DOCK7: variants seen among roughly 807,000 people sequenced by gnomAD.
DOCK7 encodes dedicator of cytokinesis 7.
In DOCK7, 138 loss-of-function variants were observed where a neutral mutation model predicts 271.0. The observed-to-expected ratio is 0.51, with a 90% CI of 0.44 to 0.59. The LOEUF is 0.59. Among genes scored for constraint, DOCK7 ranks in the 20% least tolerant of loss-of-function variants. DOCK7 has a pLI of 0.00. For missense variants in DOCK7, 2,066 were observed against 2,592.4 expected, an observed-to-expected ratio of 0.80 and a Z score of 4.41; for synonymous variants, 823 against 876.1, an observed-to-expected ratio of 0.94 and a Z score of 1.07.
intron 7 of DOCK7, among the ~76,000 whole-genome samples, chr1:62,637,537 C>G (rs1257411255): frequency 6.6e-6 from 1 of 152,148 alleles, no homozygotes; most frequent in Admixed American, 6.5e-5. Flanking sequence ...CTGTACAGGA[C>G]AGTCCCTGAC....
intron 31 of DOCK7, among the ~76,000 whole-genome samples, chr1:62,517,950 C>A (rs1571371168): frequency 6.6e-6 from 1 of 152,126 alleles, no homozygotes; most frequent in Non-Finnish European, 1.5e-5. Flanking sequence ...CCCAAACTTC[C>A]TTTGAGAAGA....
chr1:62,665,657 G>A (rs1659219050), intron 1 of DOCK7, among the ~76,000 whole-genome samples: 1 of 130,902 alleles, frequency 7.6e-6, no homozygotes, highest in South Asian at 2.6e-4. Context: ...CCGAGATCAC[G>A]TCAAGCCGAG....
At chr1:62,599,717 T>C (rs1433911673) in intron 14 of DOCK7, among the ~76,000 whole-genome samples, 1 of 152,028 alleles carries the variant, frequency 6.6e-6, no homozygotes, top group Non-Finnish European at 1.5e-5. Context: ...CACAGAAGCG[T>C]GTGCTATGAT....
chr1:62,548,936 T>C (rs1040662963), intron 22 of DOCK7, among the ~76,000 whole-genome samples: 13 of 152,236 alleles, frequency 8.5e-5, no homozygotes, highest in Non-Finnish European at 2.9e-5. Context: ...CAGTTAAGTT[T>C]AGAACTCCAG....
chr1:62,683,303 G>T (rs1255956548), intron 1 of DOCK7, among the ~76,000 whole-genome samples: 1 of 152,186 alleles, frequency 6.6e-6, no homozygotes, highest in Non-Finnish European at 1.5e-5. Context: ...CAGCACGGAA[G>T]TAGTTGGTAA....
chr1:62,562,770 C>T (rs946695944), intron 18 of DOCK7, among the ~76,000 whole-genome samples: 4 of 152,020 alleles, frequency 2.6e-5, no homozygotes, highest in African/African-American at 7.3e-5. Flanking sequence ...GGACTGAGTG[C>T]TAGAGAGGAT....
intron 15 of DOCK7, chr1:62,584,437 T>C: frequency 9.9e-7 from 1 of 1,006,394 alleles, no homozygotes. Context: ...ACAGTATGTC[T>C]ATGTTTATAT....
chr1:62,601,489 GC>G (rs1650112473), intron 14 of DOCK7, among the ~76,000 whole-genome samples: 1 of 151,626 alleles, frequency 6.6e-6, no homozygotes, highest in Non-Finnish European at 1.5e-5. Context: ...AGAGATACAT[GC>G]TGAAATATTT....
intron 14 of DOCK7, among the ~76,000 whole-genome samples, chr1:62,588,919 T>C (rs1205521439): frequency 6.6e-6 from 1 of 152,136 alleles, no homozygotes; most frequent in Non-Finnish European, 1.5e-5. Context: ...TTTTCTATTT[T>C]TTTGTAGAGA....
chr1:62,584,296 C>A (rs1379234539), intron 15 of DOCK7: 1 of 976,442 alleles, frequency 1.0e-6, no homozygotes, highest in Non-Finnish European at 1.2e-6. Flanking sequence ...TTTACAAATA[C>A]CTTAGTATGT....
rs763929792 is a variant in DOCK7, at chr1:62,543,645, T to C, written c.2949+11A>G. 21 of 1,588,436 alleles carry C rather than the reference T, an allele frequency of 1.3e-5. No homozygotes were observed. In the South Asian group the frequency reaches 2.1e-4, roughly 16 times the overall value. Reference sequence around the variant, plus strand: ...TTTCCCCCTCTATGAATTGTCTTCATATGAATCTACCTTTTTAGTTGGTAA... The same window carrying C: ...TTTCCCCCTCTATGAATTGTCTTCACATGAATCTACCTTTTTAGTTGGTAA... On this transcript the variant is annotated intron_variant, in intron 24 of 49. Coordinates refer to ENST00000635253, the MANE Select transcript of DOCK7 (RefSeq NM_001367561.1).
At chr1:62,687,523 C>A (rs1661932381) in intron 1 of DOCK7, 1 of 134,458 alleles carries the variant, frequency 7.4e-6, no homozygotes, top group Non-Finnish European at 1.7e-5. Flanking sequence ...AATTCACAGG[C>A]GAACTCAGAA....
At chr1:62,586,991 T>TA (rs559711164) in intron 14 of DOCK7, among the ~76,000 whole-genome samples, 22 of 152,042 alleles carry the variant, frequency 1.4e-4, no homozygotes, top group Non-Finnish European at 2.4e-4. Flanking sequence ...ATTATTAAGT[T>TA]AAAAAAATAG....
chr1:62,526,015 C>CA (rs1266856188), intron 31 of DOCK7, among the ~76,000 whole-genome samples: 1 of 152,158 alleles, frequency 6.6e-6, no homozygotes, highest in Non-Finnish European at 1.5e-5. Flanking sequence ...TGGCTCACTG[C>CA]AACCTCCACC....
At chr1:62,571,921 G>T (rs1424010138) in intron 18 of DOCK7, among the ~76,000 whole-genome samples, 21 of 152,140 alleles carry the variant, frequency 1.4e-4, no homozygotes, top group Non-Finnish European at 5.9e-5. Flanking sequence ...GTGTGGGGAA[G>T]GGAGAGCATC....
chr1:62,674,048 C>A (rs1333253295), intron 1 of DOCK7, among the ~76,000 whole-genome samples: 1 of 151,960 alleles, frequency 6.6e-6, no homozygotes, highest in African/African-American at 2.4e-5. Flanking sequence ...ATCCTGTATA[C>A]AGAAAATTCT....
At chr1:62,658,369 G>A (rs61775956) in intron 2 of DOCK7, among the ~76,000 whole-genome samples, 19,405 of 151,708 alleles carry the variant, frequency 0.13, 1,467 homozygotes, top group Non-Finnish European at 0.17. Flanking sequence ...CATGAGAATC[G>A]CTTGAATCTG....
intron 31 of DOCK7, among the ~76,000 whole-genome samples, chr1:62,523,982 A>G (rs1334449402): frequency 6.6e-6 from 1 of 152,246 alleles, no homozygotes; most frequent in Non-Finnish European, 1.5e-5. Flanking sequence ...TGAACCACTT[A>G]TAACTGACAA....
intron 18 of DOCK7, among the ~76,000 whole-genome samples, chr1:62,574,148 C>T (rs191284206): frequency 6.6e-6 from 1 of 152,016 alleles, no homozygotes; most frequent in Non-Finnish European, 1.5e-5. Context: ...TCTAATTCAG[C>T]CTCTAGATTG....
Sources: gnomAD v4.1 joint callset for allele counts (sites outside exome capture counted in the v4.1 genomes callset) on GRCh38, gnomAD v4.1.1 for gene constraint, MANE v1.5 for transcripts, NCBI Gene and HGNC (gene_info 2026-07-23, HGNC 2026-07-21) for gene names.